The following LDB2 variants were observed in gnomAD, a reference collection of about 807,000 sequenced individuals.
LDB2 encodes LIM domain-binding protein 2.
Under a neutral mutation model 44.3 loss-of-function variants are expected in LDB2, and 12 were observed. The observed-to-expected ratio is 0.27, with a 90% CI of 0.17 to 0.44. The LOEUF is 0.44. Ranked by LOEUF, LDB2 falls within the 20% of genes least tolerant of loss-of-function variation. LDB2 has a pLI of 1.00. For synonymous variants in LDB2, 164 were observed against 174.8 expected (o/e 0.94, Z 0.49); for missense variants, 344 against 473.5 (o/e 0.73, Z 2.54).
intron 5 of LDB2, among the ~76,000 whole-genome samples, chr4:16,525,001 A>G (rs1401129093): frequency 6.6e-6 from 1 of 152,240 alleles, no homozygotes; most frequent in African/African-American, 2.4e-5. Context: ...TATAATTGCA[A>G]TACTGCAAAT....
chr4:16,730,998 C>T (rs756197651), intron 2 of LDB2, among the ~76,000 whole-genome samples: 10 of 152,160 alleles, frequency 6.6e-5, no homozygotes, highest in Non-Finnish European at 1.3e-4. Context: ...TAGGACAAAG[C>T]TTTCCCACAC....
chr4:16,690,278 T>G lies in LDB2; in HGVS notation c.235+68880A>C, dbSNP rs115061553. On this transcript the variant is annotated intron_variant, in intron 2 of 7. Transcript: ENST00000304523. The stretch of plus-strand genomic sequence containing the variant: ...GAGCTTAAGACTAGCCTGGGCAACA[T>G]GAGAAAACACCATCTCTACTAAAAA... 4.8e-3 allele frequency among the ~76,000 whole-genome samples: 725 copies of G among 151,554 alleles called. 5 individuals carry two copies. Among genetic ancestry groups the G allele is most frequent in the Non-Finnish European group, 9.1e-3 (621 of 67,900 alleles).
rs754678878 is a variant in LDB2, at chr4:16,502,633, G to A, written c.*10C>T. ...GGGCCTATTGACAGTGGATTCTGGTGCCGATCATCTTATTGGGAAGCCTGG... is the reference window on the plus strand; with the variant it reads ...GGGCCTATTGACAGTGGATTCTGGTACCGATCATCTTATTGGGAAGCCTGG... On this transcript the variant is annotated 3_prime_UTR_variant, in exon 8 of 8. Transcript: ENST00000304523. 28 of 1,612,840 alleles carry A rather than the reference G, an allele frequency of 1.7e-5. No homozygotes were observed. Among genetic ancestry groups the A allele is most frequent in the South Asian group, 1.6e-4 (15 of 91,074 alleles).
intron 2 of LDB2, among the ~76,000 whole-genome samples, chr4:16,602,495 G>C (rs1474856728): frequency 6.6e-6 from 1 of 152,170 alleles, no homozygotes; most frequent in African/African-American, 2.4e-5. Flanking sequence ...CACAGAAAGA[G>C]GCAGGGTCAG....
At chr4:16,599,023 G>C (rs756718168) in intron 2 of LDB2, among the ~76,000 whole-genome samples, 2 of 152,054 alleles carry the variant, frequency 1.3e-5, no homozygotes, top group East Asian at 3.9e-4. Context: ...TGATGAGAGC[G>C]ATCAGCTACA....
At chr4:16,619,668 A>G (rs970667700) in intron 2 of LDB2, among the ~76,000 whole-genome samples, 1 of 152,198 alleles carries the variant, frequency 6.6e-6, no homozygotes, top group Non-Finnish European at 1.5e-5. Flanking sequence ...CAGGGTGATC[A>G]TTCGTGCAAT....
At chr4:16,625,034 G>A (rs989144390) in intron 2 of LDB2, among the ~76,000 whole-genome samples, 2 of 151,980 alleles carry the variant, frequency 1.3e-5, no homozygotes, top group East Asian at 1.9e-4. Context: ...AGATGAGGTC[G>A]GGACTCCTTA....
intron 1 of LDB2, among the ~76,000 whole-genome samples, chr4:16,895,872 T>A (rs1456710238): frequency 6.6e-6 from 1 of 152,198 alleles, no homozygotes; most frequent in East Asian, 1.9e-4. Flanking sequence ...AAATTGTTTT[T>A]TTCAAGGTAC....
At chr4:16,837,224 C>T (rs1392066063) in intron 1 of LDB2, among the ~76,000 whole-genome samples, 1 of 152,126 alleles carries the variant, frequency 6.6e-6, no homozygotes, top group Non-Finnish European at 1.5e-5. Context: ...CTCTGTATGA[C>T]CTTAGGCAAC....
At position 16,599,462 on chromosome 4, in the gene LDB2, C is replaced by T. The variant is rs527788500; in HGVS notation, c.236-3587G>A. On this transcript the variant is annotated intron_variant, in intron 2 of 7. Transcript: ENST00000304523. ...CACCCAAAGAATTCAGGATAATCTG[C>T]CATCTCAAGATCCTTAACTTATCAG... Among the ~76,000 whole-genome samples, 103 of 152,192 alleles carry T rather than the reference C, an allele frequency of 6.8e-4. 1 individual carries two copies. The highest frequency in any genetic ancestry group is 2.5e-3 in the African/African-American group (102 of 41,532).
In LDB2 at chr4:16,788,596, C is replaced by A. The variant is rs566849578; in HGVS notation, c.133-29336G>T. Among the ~76,000 whole-genome samples, 159 of 152,290 alleles carry A rather than the reference C, an allele frequency of 1.0e-3. 1 individual carries two copies. The highest frequency in any genetic ancestry group is 3.6e-3 in the African/African-American group (148 of 41,562). ...CAACCCCTATGGGGATGCCCTGGAC[C>A]AGCTTCTGCCCTCTGCAGTGATTCT... On this transcript the variant is annotated intron_variant, in intron 1 of 7. Coordinates refer to ENST00000304523, the MANE Select transcript of LDB2 (RefSeq NM_001290.5).
At chr4:16,864,598 C>T (rs983447047) in intron 1 of LDB2, among the ~76,000 whole-genome samples, 1 of 152,082 alleles carries the variant, frequency 6.6e-6, no homozygotes, top group Non-Finnish European at 1.5e-5. Context: ...GTCACAGAGA[C>T]AAGAAAAGGG....
At chr4:16,671,511 A>G (rs1462933829) in intron 2 of LDB2, among the ~76,000 whole-genome samples, 1 of 152,124 alleles carries the variant, frequency 6.6e-6, no homozygotes, top group African/African-American at 2.4e-5. Flanking sequence ...GTCAGAGCCC[A>G]AGCCTGGTCC....
At chr4:16,560,911 A>G (rs1380527314) in intron 5 of LDB2, among the ~76,000 whole-genome samples, 6 of 152,238 alleles carry the variant, frequency 3.9e-5, no homozygotes, top group Admixed American at 2.0e-4. Context: ...GACTGGTTCA[A>G]TATACACAAA....
At chr4:16,616,543 T>C (rs1244673491) in intron 2 of LDB2, among the ~76,000 whole-genome samples, 3 of 151,904 alleles carry the variant, frequency 2.0e-5, no homozygotes, top group Non-Finnish European at 2.9e-5. Context: ...AGTGAGGAGA[T>C]GGAAACAGCC....
intron 1 of LDB2, among the ~76,000 whole-genome samples, chr4:16,769,351 C>T (rs2109327267): frequency 6.6e-6 from 1 of 151,428 alleles, no homozygotes; most frequent in Middle Eastern, 3.4e-3. Flanking sequence ...GGCTGGAGTG[C>T]AGTAGCACAG....
chr4:16,814,699 T>G (rs933107205), intron 1 of LDB2, among the ~76,000 whole-genome samples: 1 of 152,224 alleles, frequency 6.6e-6, no homozygotes, highest in African/African-American at 2.4e-5. Context: ...CTAGAAATTA[T>G]GGTTTGGAAT....
chr4:16,764,970 G>A (rs754736919), intron 1 of LDB2, among the ~76,000 whole-genome samples: 2 of 152,156 alleles, frequency 1.3e-5, no homozygotes, highest in South Asian at 2.1e-4. Flanking sequence ...ATCATCACAC[G>A]TTAAACTAAC....
At chr4:16,588,505 A>G (rs916824009) in intron 4 of LDB2, among the ~76,000 whole-genome samples, 1 of 152,204 alleles carries the variant, frequency 6.6e-6, no homozygotes, top group East Asian at 1.9e-4. Context: ...TAGTCTCACA[A>G]TGTACCAATC....
Sources: gnomAD v4.1 joint callset for allele counts (sites outside exome capture counted in the v4.1 genomes callset) on GRCh38, gnomAD v4.1.1 for gene constraint, MANE v1.5 for transcripts, NCBI Gene and HGNC (gene_info 2026-07-23, HGNC 2026-07-21) for gene names.